ZNF236: variants seen among roughly 807,000 people sequenced by gnomAD.
The protein encoded by ZNF236 is regulated by glucose.
Under a neutral mutation model 191.2 loss-of-function variants are expected in ZNF236, and 50 were observed. The ratio of observed to expected loss-of-function variants is 0.26; its 90% CI spans 0.21 to 0.33. The LOEUF (loss-of-function observed/expected upper bound fraction) is 0.33. Among genes scored for constraint, ZNF236 ranks in the 10% least tolerant of loss-of-function variants. The probability of loss-of-function intolerance (pLI) is 1.00; values close to 1 mark genes in which losing one functional copy is unlikely to be tolerated. For missense variants in ZNF236, 1,754 were observed against 2,374.5 expected (o/e 0.74, Z 5.43); for synonymous variants, 907 against 928.8 (o/e 0.98, Z 0.43).
At chr18:76,854,668 TA>T (rs1308011822) in intron 3 of ZNF236, among the ~76,000 whole-genome samples, 2 of 152,194 alleles carry the variant, frequency 1.3e-5, no homozygotes, top group Non-Finnish European at 2.9e-5. Flanking sequence ...ACATTGTTTA[TA>T]TTTTTAAATA....
At chr18:76,926,961 A>G (rs1285047026) in intron 22 of ZNF236, 76 bp from the exon 23 acceptor site, 5 of 1,508,306 alleles carry the variant, frequency 3.3e-6, no homozygotes, top group South Asian at 1.3e-5. Flanking sequence ...AAAAATCCCT[A>G]TGTAAAAAAT....
Position 76,913,918 on chromosome 18 carries a change from T to G in ZNF236, c.3061+20T>G, listed in dbSNP as rs372839315. On this transcript the variant is annotated intron_variant, in intron 18 of 30. Transcript: ENST00000320610. Reference sequence around the variant, plus strand: ...ACACAGGTCACTGTCTGCCTTATACTTGGAGATTAGTCCTTTAAAGAAAAA... The same window carrying G: ...ACACAGGTCACTGTCTGCCTTATACGTGGAGATTAGTCCTTTAAAGAAAAA... 4 of 1,612,676 alleles carry G rather than the reference T, an allele frequency of 2.5e-6. No homozygotes were observed. In the African/African-American group the frequency reaches 5.3e-5, roughly 22 times the overall value.
In ZNF236 at chr18:76,875,691, G is replaced by A. The variant is rs2122624141; in HGVS notation, c.840+27G>A. 2 of 1,500,124 alleles carry A rather than the reference G, an allele frequency of 1.3e-6. No homozygotes were observed. Among genetic ancestry groups the A allele is most frequent in the South Asian group, 1.3e-5 (1 of 74,586 alleles). The allele number at this position is 1,500,124 out of a possible 1,614,324, so 92.9% of individuals were successfully genotyped here. A position where few individuals can be genotyped will look rare whatever the true frequency, so the allele number is the denominator to read the frequency against. On this transcript the variant is annotated intron_variant, in intron 6 of 30. Coordinates refer to ENST00000320610, the MANE Select transcript of ZNF236 (RefSeq NM_001306089.2). This position sits in a 1 kb window ranked among gnomAD's most constrained non-coding sequence, Gnocchi z 4.3. ...TAAACACGGGTTGGGGGCATAAGCG[G>A]TATTTCACAGGGGACAGTAGGTATC...
At chr18:76,905,851 GAT>G in intron 13 of ZNF236, among the ~76,000 whole-genome samples, 2 of 152,306 alleles carry the variant, frequency 1.3e-5, no homozygotes, top group South Asian at 4.1e-4. Context: ...ACATATTTTA[GAT>G]ATTCCATAAA....
At chr18:76,905,055 GTGA>G in intron 12 of ZNF236, 97 bp from the exon 13 acceptor site, 1 of 1,243,592 alleles carries the variant, frequency 8.0e-7, no homozygotes, top group Non-Finnish European at 1.1e-6. Flanking sequence ...TTTAAAAAAT[GTGA>G]TGATGAAGTG....
intron 8 of ZNF236, among the ~76,000 whole-genome samples, 163 bp from the exon 9 acceptor site, chr18:76,881,121 C>G (rs1279881474): frequency 3.3e-5 from 5 of 152,108 alleles, no homozygotes. Flanking sequence ...GACGTTACAG[C>G]CTCAAAGGGT....
intron 4 of ZNF236, among the ~76,000 whole-genome samples, chr18:76,870,026 C>T (rs561173906): frequency 4.6e-5 from 7 of 152,296 alleles, no homozygotes; most frequent in Non-Finnish European, 8.8e-5. Flanking sequence ...GTTTAGCTTG[C>T]CATCCTTCTA....
chr18:76,856,771 C>G (rs1378157807), intron 3 of ZNF236, among the ~76,000 whole-genome samples: 1 of 151,980 alleles, frequency 6.6e-6, no homozygotes, highest in African/African-American at 2.4e-5. Context: ...TTCTTGGTTT[C>G]TGGTTTCATT....
intron 30 of ZNF236, among the ~76,000 whole-genome samples, chr18:76,961,919 G>T (rs1336187114): frequency 2.0e-5 from 3 of 151,506 alleles, no homozygotes; most frequent in Non-Finnish European, 2.9e-5. Flanking sequence ...GGGATTGTTT[G>T]TTTTTTTTCT....
At chr18:76,826,100 G>A (rs1975009942) in intron 1 of ZNF236, among the ~76,000 whole-genome samples, 2 of 151,304 alleles carry the variant, frequency 1.3e-5, no homozygotes, top group African/African-American at 2.4e-5. Flanking sequence ...GGGGAATGAA[G>A]CTCAGAGCGG....
At chr18:76,913,217 T>A (rs1455479458) in intron 17 of ZNF236, among the ~76,000 whole-genome samples, 1 of 152,242 alleles carries the variant, frequency 6.6e-6, no homozygotes, top group Non-Finnish European at 1.5e-5. Flanking sequence ...ATTAGTCTAT[T>A]CAGTAACAAC....
rs1977708052 is a variant in ZNF236 at position 76,905,263 on chromosome 18, C to A, written c.2145C>A (p.Phe715Leu). ...GAACACACACAGGACTGAAATCTTT[C>A]AAGTGTCTGATATGTAATGGGGCTT... The part of the protein sequence containing the change: ...HIRTHTGLKS[F>L]KCLICNGAFT... The change falls in exon 13 of 31, where the codon TTC becomes TTA. Residue 715 changes from phenylalanine (F) to leucine (L), a missense_variant. Phe to Leu is a conservative substitution (Grantham distance 22). Transcript: ENST00000320610. The A allele has an allele frequency of 1.9e-6, 3 of 1,614,182 alleles. No homozygotes were observed. The highest frequency in any genetic ancestry group is 2.5e-6 in the Non-Finnish European group (3 of 1,180,040).
chr18:76,882,718 C>T (rs1208839282), intron 9 of ZNF236, among the ~76,000 whole-genome samples: 1 of 152,198 alleles, frequency 6.6e-6, no homozygotes, highest in Non-Finnish European at 1.5e-5. Flanking sequence ...TCTTCTTCCC[C>T]TTGATCTGGA....
rs534402933 is a variant in ZNF236, at chr18:76,834,440, T to C, written c.55+11778T>C. The C allele has an allele frequency of 1.8e-5, 5 of 271,540 alleles. No homozygotes were observed. In the East Asian group the frequency reaches 4.7e-4, roughly 26 times the overall value. 16.8% of individuals were successfully genotyped at this position (271,540 alleles called of 1,614,324 possible). A position where few individuals can be genotyped will look rare whatever the true frequency, so the allele number is the denominator to read the frequency against. ...TATATAAGATTACTTTATTCCTGCA[T>C]CTGCTCAATTGTTTCTTCCTTATAT... On this transcript the variant is annotated intron_variant, in intron 1 of 30. Coordinates refer to ENST00000320610, the MANE Select transcript of ZNF236 (RefSeq NM_001306089.2).
At chr18:76,824,641 C>G (rs1044880069) in intron 1 of ZNF236, among the ~76,000 whole-genome samples, 1 of 152,180 alleles carries the variant, frequency 6.6e-6, no homozygotes, top group Non-Finnish European at 1.5e-5. Flanking sequence ...AAAATTTCCA[C>G]GGCCACAGGC....
intron 26 of ZNF236, among the ~76,000 whole-genome samples, chr18:76,938,940 C>T (rs186480924): frequency 1.1e-4 from 16 of 152,326 alleles, no homozygotes; most frequent in Admixed American, 9.8e-4. Flanking sequence ...GAGTTTAACA[C>T]ACCTTCTTCA....
At chr18:76,842,357 A>G (rs1194910290) in intron 1 of ZNF236, among the ~76,000 whole-genome samples, 5 of 151,542 alleles carry the variant, frequency 3.3e-5, no homozygotes, top group African/African-American at 7.3e-5. Flanking sequence ...AACCAATGCT[A>G]CTTTTTTTCT....
At position 76,968,481 on chromosome 18, in the gene ZNF236, T is replaced by A; in HGVS notation, c.*142T>A. Reference sequence around the variant, plus strand: ...ATCTATAAAATTATCTAAAGAATCATTGTCTTTCAGAGACTCATAGGAAAA... The same window carrying A: ...ATCTATAAAATTATCTAAAGAATCAATGTCTTTCAGAGACTCATAGGAAAA... On this transcript the variant is annotated 3_prime_UTR_variant, in exon 31 of 31. Coordinates refer to ENST00000320610, the MANE Select transcript of ZNF236 (RefSeq NM_001306089.2). 1.4e-6 allele frequency: 2 copies of A among 1,432,264 alleles called. No individual in the cohort carries two copies. The highest frequency in any genetic ancestry group is 1.8e-6 in the Non-Finnish European group (2 of 1,105,874). The allele number at this position is 1,432,264 out of a possible 1,614,324, so 88.7% of individuals were successfully genotyped here.
rs1170757254 is a variant in ZNF236, at chr18:76,904,387, C to A, written c.1902C>A (p.Ile634=). The change falls in exon 12 of 31, where the codon ATC becomes ATA. Residue 634 remains isoleucine (I), a synonymous_variant. Coordinates refer to ENST00000320610, the MANE Select transcript of ZNF236 (RefSeq NM_001306089.2). ...TTTTCTTTTGCTTTGTAGGTCTCATCCAGCCCATTCCAAAAAACCAGTTTT... is the reference window on the plus strand; with the variant it reads ...TTTTCTTTTGCTTTGTAGGTCTCATACAGCCCATTCCAAAAAACCAGTTTT... The part of the protein sequence containing the change: ...EPILITDLGL[I]QPIPKNQFFQ... The A allele has an allele frequency of 6.2e-7, 1 of 1,607,836 alleles. No individual in the cohort carries two copies. The highest frequency in any genetic ancestry group is 1.1e-5 in the South Asian group (1 of 90,140).
Sources: allele counts gnomAD v4.1 joint callset (sites outside exome capture counted in the v4.1 genomes callset), GRCh38; gene constraint gnomAD v4.1.1; non-coding constraint Gnocchi (gnomAD v3.1); transcripts MANE v1.5; gene names NCBI Gene and HGNC (gene_info 2026-07-23, HGNC 2026-07-21).